Variants in RNF14 observed in about 807,000 individuals in gnomAD.
RNF14 encodes the protein E3 ubiquitin-protein ligase RNF14.
RNF14 carries 26 observed loss-of-function variants against 52.6 expected under a neutral mutation model. The ratio of observed to expected loss-of-function variants is 0.49; its 90% CI spans 0.36 to 0.69. The LOEUF is 0.69. Among genes scored for constraint, RNF14 ranks in the 30% least tolerant of loss-of-function variants. The pLI is 0.00. For missense variants in RNF14, 404 were observed against 560.4 expected (o/e 0.72, Z 2.82); for synonymous variants, 194 against 202.0 (o/e 0.96, Z 0.34).
intron 8 of RNF14, among the ~76,000 whole-genome samples, chr5:141,986,429 A>G (rs1755238365): frequency 6.6e-6 from 1 of 152,250 alleles, no homozygotes; most frequent in African/African-American, 2.4e-5. Flanking sequence ...AGGACTGTGA[A>G]GATAGAATGG....
At chr5:141,966,488 G>A (rs1753352497), upstream of RNF14, among the ~76,000 whole-genome samples, 1 of 152,152 alleles carries the variant, frequency 6.6e-6, no homozygotes, top group South Asian at 2.1e-4. Flanking sequence ...AATTACCTAA[G>A]TCATAGGGTC....
chr5:141,959,910 T>C (rs1366912333), intron 1 of RNF14, among the ~76,000 whole-genome samples: 1 of 152,094 alleles, frequency 6.6e-6, no homozygotes, highest in Non-Finnish European at 1.5e-5. Flanking sequence ...CAAGGTGGGG[T>C]AAGGACTCAG....
At chr5:141,955,077 T>A (rs1753153296), upstream of RNF14, 1 of 1,614,218 alleles carries the variant, frequency 6.2e-7, no homozygotes, top group East Asian at 2.2e-5. This position sits in a 1 kb window ranked among gnomAD's most constrained non-coding sequence, Gnocchi z 5.5. Context: ...GGGGCCCTGA[T>A]TCTTTCTCAG....
chr5:141,971,631 CTTTCCTTTTTTTTT>C (rs1753787937), intron 2 of RNF14, among the ~76,000 whole-genome samples: 1 of 61,046 alleles, frequency 1.6e-5, no homozygotes, highest in African/African-American at 6.2e-5. Flanking sequence ...TTCTTTCTTT[CTTTCCTTTTTTTTT>C]TTTTTTTTTT....
At chr5:141,967,265 T>C (rs252137), upstream of RNF14, among the ~76,000 whole-genome samples, 133,942 of 152,194 alleles carry the variant, frequency 0.88, 59,170 homozygotes, top group East Asian at 0.98. Context: ...CAGAAATTAT[T>C]AAGAACTTCA....
rs1755388220 is a variant in RNF14 at position 141,987,906 on chromosome 5, G to A, written c.*116G>A. On this transcript the variant is annotated 3_prime_UTR_variant, in exon 9 of 9. Coordinates refer to ENST00000394520, the MANE Select transcript of RNF14 (RefSeq NM_004290.5). The stretch of plus-strand genomic sequence containing the variant: ...ATTCATTCACTCTTCCTGCGTAGAA[G>A]ATATGGAAGAACGAGGTTTATATTT... The A allele has an allele frequency of 1.1e-6, 1 of 912,768 alleles. No individual in the cohort carries two copies. The highest frequency in any genetic ancestry group is 1.4e-5 in the South Asian group (1 of 69,618). The allele number at this position is 912,768 out of a possible 1,614,324, so 56.5% of individuals were successfully genotyped here. A position where few individuals can be genotyped will look rare whatever the true frequency, so the allele number is the denominator to read the frequency against.
chr5:141,956,381 T>C (rs1428755383), upstream of RNF14: 1 of 1,614,088 alleles, frequency 6.2e-7, no homozygotes, highest in Admixed American at 1.7e-5. Context: ...TTTCCATTAA[T>C]GCCCAAGTCT....
At chr5:141,962,250 A>G (rs1753280283), upstream of RNF14, among the ~76,000 whole-genome samples, 2 of 152,234 alleles carry the variant, frequency 1.3e-5, no homozygotes, top group Admixed American at 1.3e-4. Flanking sequence ...AGAAAAAAGA[A>G]TGCACTTTGC....
rs537183208 is a variant in RNF14, at chr5:141,987,900, G to T, written c.*110G>T. ...GGTACTATTCATTCACTCTTCCTGC[G>T]TAGAAGATATGGAAGAACGAGGTTT... On this transcript the variant is annotated 3_prime_UTR_variant, in exon 9 of 9. Transcript: ENST00000394520. 10 of 975,986 alleles carry T rather than the reference G, an allele frequency of 1.0e-5. No homozygotes were observed. The South Asian group carries it at 1.4e-4, about 13-fold the overall frequency. The allele number at this position is 975,986 out of a possible 1,614,324, so 60.5% of individuals were successfully genotyped here. A position where few individuals can be genotyped will look rare whatever the true frequency, so the allele number is the denominator to read the frequency against.
At chr5:141,985,951 T>C (rs1755201561) in intron 8 of RNF14, among the ~76,000 whole-genome samples, 1 of 152,220 alleles carries the variant, frequency 6.6e-6, no homozygotes, top group Non-Finnish European at 1.5e-5. Context: ...TTGTTTCTCT[T>C]ATTTGCTATA....
upstream of RNF14, chr5:141,957,982 C>G: frequency 1.9e-6 from 2 of 1,036,230 alleles, no homozygotes; most frequent in Non-Finnish European, 2.8e-6. This position sits in a 1 kb window ranked among gnomAD's most constrained non-coding sequence, Gnocchi z 4.3. Flanking sequence ...ACAACCTTGT[C>G]CCATAGTTAG....
the RNF14 span, among the ~76,000 whole-genome samples, chr5:141,951,869 C>T: frequency 1.7e-4 from 26 of 152,266 alleles, no homozygotes; most frequent in Non-Finnish European, 2.8e-4. Flanking sequence ...GAGTGTCCTG[C>T]ACCTGGTGGA....
At chr5:141,964,353 G>A (rs909222713), upstream of RNF14, among the ~76,000 whole-genome samples, 1 of 152,132 alleles carries the variant, frequency 6.6e-6, no homozygotes, top group Admixed American at 6.6e-5. Flanking sequence ...CAATTGCCTG[G>A]GTTCAGGGAT....
chr5:141,980,415 C>A, intron 6 of RNF14, 64 bp downstream of exon 6: 1 of 1,207,828 alleles, frequency 8.3e-7, no homozygotes, highest in Non-Finnish European at 1.2e-6. Context: ...CACTCTACTA[C>A]CAGGGCCTTA....
chr5:141,953,703 C>T (rs974133162), upstream of RNF14, among the ~76,000 whole-genome samples: 1 of 152,220 alleles, frequency 6.6e-6, no homozygotes, highest in Non-Finnish European at 1.5e-5. Flanking sequence ...CAAAAAGCAC[C>T]TGATAAATGG....
upstream of RNF14, chr5:141,957,935 T>C (rs554924338): frequency 3.3e-4 from 495 of 1,484,560 alleles, no homozygotes; most frequent in Non-Finnish European, 4.2e-4. This position sits in a 1 kb window ranked among gnomAD's most constrained non-coding sequence, Gnocchi z 4.3. Flanking sequence ...CTGGATGGCT[T>C]GATCAGCCCC....
At chr5:141,978,036 C>T (rs914328787) in intron 4 of RNF14, among the ~76,000 whole-genome samples, 15 of 152,188 alleles carry the variant, frequency 9.9e-5, no homozygotes, top group Admixed American at 4.6e-4. Context: ...CTCTACCTTA[C>T]GGAGTCTTGC....
At position 141,980,274 on chromosome 5, in the gene RNF14, G is replaced by C; in HGVS notation, c.986G>C (p.Cys329Ser). 2 of 1,614,242 alleles carry C rather than the reference G, an allele frequency of 1.2e-6. No individual in the cohort carries two copies. The highest frequency in any genetic ancestry group is 1.7e-6 in the Non-Finnish European group (2 of 1,180,042). ...MQEPGCTMGI[C>S]SSCNFAFCTL... The stretch of plus-strand genomic sequence containing the variant: ...GAACCTGGCTGCACCATGGGTATCT[G>C]CTCCAGCTGCAATTTTGCCTTCTGT... The change falls in exon 6 of 9, where the codon TGC becomes TCC. Residue 329 changes from cysteine (C) to serine (S), a missense_variant. Transcript: ENST00000394520.
chr5:141,978,270 A>T (rs1312890020), intron 4 of RNF14, 33 bp from the exon 5 acceptor site: 1 of 1,527,016 alleles, frequency 6.5e-7, no homozygotes, highest in Non-Finnish European at 8.8e-7. Flanking sequence ...CATCTTTCCA[A>T]ACTCACCAAC....
Sources: gnomAD v4.1 joint callset for allele counts (sites outside exome capture counted in the v4.1 genomes callset) on GRCh38, gnomAD v4.1.1 for gene constraint, Gnocchi (gnomAD v3.1) non-coding constraint, MANE v1.5 for transcripts, NCBI Gene and HGNC (gene_info 2026-07-23, HGNC 2026-07-21) for gene names.